CACTIN: variants seen among roughly 807,000 people sequenced by gnomAD.
The protein encoded by CACTIN is cactin, spliceosome C complex subunit, also known as splicing factor Cactin.
Under a neutral mutation model 84.9 loss-of-function variants are expected in CACTIN, and 20 were observed. That is an observed-to-expected ratio of 0.24 (90% confidence interval 0.17 to 0.34). CACTIN has a LOEUF of 0.34. CACTIN is among the 10% of genes least tolerant of loss of function. The probability of loss-of-function intolerance (pLI) is 1.00; values close to 1 mark genes in which losing one functional copy is unlikely to be tolerated. For missense variants in CACTIN, 897 were observed against 1,117.2 expected (o/e 0.80, Z 2.81); for synonymous variants, 549 against 467.9 (o/e 1.17, Z -2.24).
Position 3,613,176 on chromosome 19 carries a change from G to T in CACTIN, c.1668C>A (p.Ala556=). ...LIQQSLDDYD[A]GRYSPRLLTA... ...TGAGCAGCCGCGGGCTGTACCTGCC[G>T]GCGTCGTAGTCGTCCAGGCTCTGCT... is the stretch of plus-strand genomic sequence containing the variant. Residue 556 remains alanine, a synonymous_variant, in exon 9 of 10, where the codon GCC becomes GCA. Transcript: ENST00000429344. The T allele has an allele frequency of 6.2e-7, 1 of 1,611,202 alleles. No homozygotes were observed. Among genetic ancestry groups the T allele is most frequent in the South Asian group, 1.1e-5 (1 of 91,072 alleles).
At chr19:3,617,379 G>T (rs1167362982) in intron 6 of CACTIN, among the ~76,000 whole-genome samples, 1 of 152,260 alleles carries the variant, frequency 6.6e-6, no homozygotes, top group African/African-American at 2.4e-5. Flanking sequence ...AGACCCCTCG[G>T]TTCCCTACTC....
In CACTIN at chr19:3,611,887, C is replaced by T. The variant is rs139837460; in HGVS notation, c.*36G>A. ...GCTTCACCGAAGCCCCTTTACTGTG[C>T]CCCCGAGGACACCTGCCTGCCGTTC... On this transcript the variant is annotated 3_prime_UTR_variant, in exon 10 of 10. Transcript: ENST00000429344. 3.6e-4 allele frequency: 572 copies of T among 1,604,722 alleles called. 4 individuals carry two copies. The African/African-American group carries it at 6.7e-3, about 19-fold the overall frequency.
intron 6 of CACTIN, chr19:3,616,257 T>A (rs1314482693): frequency 1.3e-5 from 2 of 152,224 alleles, no homozygotes; most frequent in Non-Finnish European, 2.9e-5. Context: ...CCTGTAGGGT[T>A]AGAACTTCCT....
chr19:3,616,577 C>T (rs1478007526), intron 6 of CACTIN: 1 of 152,028 alleles, frequency 6.6e-6, no homozygotes, highest in Non-Finnish European at 1.5e-5. Context: ...CCACTGCACT[C>T]CAGCCTGGCA....
intron 3 of CACTIN, 34 bp downstream of exon 3, chr19:3,620,673 A>C: frequency 6.5e-7 from 1 of 1,547,354 alleles, no homozygotes. Flanking sequence ...CTGGAAAGGG[A>C]GGGCCCTGCC....
intron 2 of CACTIN, 34 bp from the exon 3 acceptor site, chr19:3,620,836 G>T (rs757977018): frequency 3.2e-6 from 5 of 1,565,762 alleles, no homozygotes; most frequent in Non-Finnish European, 4.4e-6. Context: ...CCTGAGCACA[G>T]ACCCGCCCCC....
In CACTIN at chr19:3,626,687, G is replaced by C; in HGVS notation, c.76C>G (p.Arg26Gly). 6.6e-7 allele frequency: 1 copy of C among 1,520,866 alleles called. No individual in the cohort carries two copies. Among genetic ancestry groups the C allele is most frequent in the South Asian group, 1.2e-5 (1 of 81,782 alleles). 94.2% of individuals were successfully genotyped at this position (1,520,866 alleles called of 1,614,324 possible). ...GRRRQSQSGS[R>G]SRSRSHGRRN... Reference sequence around the variant, plus strand: ...CGCCCATGGCTCCTGCTCCGACTTCGGCTCCCGCTCTGACTCTGCCGCCTT... The same window carrying C: ...CGCCCATGGCTCCTGCTCCGACTTCCGCTCCCGCTCTGACTCTGCCGCCTT... Residue 26 changes from arginine (R) to glycine (G), a missense_variant, in exon 1 of 10, where the codon CGA (arginine) becomes GGA (glycine). Arg to Gly is a moderately radical substitution (Grantham distance 125, BLOSUM62 -2). Transcript: ENST00000429344.
At chr19:3,616,017 G>C (rs1327913635) in intron 6 of CACTIN, 1 of 152,144 alleles carries the variant, frequency 6.6e-6, no homozygotes, top group African/African-American at 2.4e-5. Flanking sequence ...GCCAGGTGCC[G>C]CCAGGTCAGC....
In CACTIN at chr19:3,611,375, G is replaced by C. The variant is rs975668104; in HGVS notation, c.*548C>G. On this transcript the variant is annotated 3_prime_UTR_variant, in exon 10 of 10. Coordinates refer to ENST00000429344, the MANE Select transcript of CACTIN (RefSeq NM_001080543.2). ...CGGCCTCAGTGCTGCCTGTGCGGGC[G>C]AGGGTGGCCTGTGGGCAGGGCTGGA... The C allele has an allele frequency of 9.0e-6, 4 of 445,440 alleles. No individual in the cohort carries two copies. Among genetic ancestry groups the C allele is most frequent in the Non-Finnish European group, 1.8e-5 (4 of 224,506 alleles). 27.6% of individuals were successfully genotyped at this position (445,440 alleles called of 1,614,324 possible).
chr19:3,620,824 G>A (rs373160165), intron 2 of CACTIN, 22 bp from the exon 3 acceptor site: 292 of 1,597,734 alleles, frequency 1.8e-4, no homozygotes, highest in Non-Finnish European at 2.4e-4. Context: ...AGGCACACCT[G>A]CCCTGAGCAC....
intron 9 of CACTIN, 113 bp from the exon 10 acceptor site, chr19:3,612,526 C>A (rs1478196666): frequency 2.1e-6 from 3 of 1,413,982 alleles, no homozygotes; most frequent in Admixed American, 5.2e-5. Context: ...GGAAAACAGG[C>A]TGGGGCGAGC....
In CACTIN at chr19:3,613,381, G is replaced by T; in HGVS notation, c.1479-16C>A. On this transcript the variant is annotated splice_polypyrimidine_tract_variant and intron_variant, in intron 8 of 9. Transcript: ENST00000429344. ...AGGCTCCAGGCTGGGAGGAGAGAGC[G>T]TTGGAGGCGCGGAGGCTGCCCACGG... 1 of 1,529,324 alleles carries T rather than the reference G, an allele frequency of 6.5e-7. No individual in the cohort carries two copies. The highest frequency in any genetic ancestry group is 8.8e-7 in the Non-Finnish European group (1 of 1,141,874). 94.7% of individuals were successfully genotyped at this position (1,529,324 alleles called of 1,614,324 possible). A position where few individuals can be genotyped will look rare whatever the true frequency, so the allele number is the denominator to read the frequency against.
chr19:3,622,877 T>A (rs2033252906), intron 2 of CACTIN, among the ~76,000 whole-genome samples: 1 of 152,144 alleles, frequency 6.6e-6, no homozygotes, highest in Admixed American at 6.5e-5. Flanking sequence ...GGTTTCAGGT[T>A]GGGCTGGTGT....
chr19:3,622,004 G>C (rs2033234198), intron 2 of CACTIN, among the ~76,000 whole-genome samples: 1 of 152,180 alleles, frequency 6.6e-6, no homozygotes, highest in Admixed American at 6.5e-5. Flanking sequence ...TGCTGCTTCA[G>C]ATGAGCTGTG....
At chr19:3,621,132 T>C in intron 2 of CACTIN, 4 of 440,502 alleles carry the variant, frequency 9.1e-6, no homozygotes, top group Non-Finnish European at 1.7e-5. Context: ...CAGAAGAGCC[T>C]TGCTCGGGGC....
intron 6 of CACTIN, among the ~76,000 whole-genome samples, chr19:3,617,122 A>AAAGT (rs1568293465): frequency 6.6e-6 from 1 of 151,830 alleles, no homozygotes; most frequent in Non-Finnish European, 1.5e-5. Context: ...TCCTTCTCAA[A>AAAGT]AAATAAAATA....
rs576729247 is a variant in CACTIN at position 3,615,943 on chromosome 19, G to C, written c.1163-1354C>G. 6.6e-6 allele frequency: 1 copy of C among 152,128 alleles called. No homozygotes were observed. Among genetic ancestry groups the C allele is most frequent in the Admixed American group, 6.5e-5 (1 of 15,284 alleles). 9.4% of individuals were successfully genotyped at this position (152,128 alleles called of 1,614,324 possible). A position where few individuals can be genotyped will look rare whatever the true frequency, so the allele number is the denominator to read the frequency against. On this transcript the variant is annotated intron_variant, in intron 6 of 9. Transcript: ENST00000429344. The surrounding 1 kb of genome is among the most constrained non-coding windows in gnomAD (Gnocchi z 5.2). ...ACAGCGCGGCCGTGCCCAGACAGGC[G>C]GGGCTACCACGAACACTGAAACCCA...
Position 3,626,615 on chromosome 19 carries a change from G to A in CACTIN, c.148C>T (p.Arg50Trp), listed in dbSNP as rs772584947. ...REDEGRRRRR[R>W]RSRERRSDSE... Reference sequence around the variant, plus strand: ...CCCCACCTGCGCTCCCGGCTCCGCCGCCTCCGTCTGCGCCGTCCCTCGTCC... The same window carrying A: ...CCCCACCTGCGCTCCCGGCTCCGCCACCTCCGTCTGCGCCGTCCCTCGTCC... Residue 50 changes from arginine (R) to tryptophan (W), a missense_variant, in exon 1 of 10, where the codon CGG (arginine) becomes TGG (tryptophan). Physicochemically the swap from Arg to Trp is moderately radical, Grantham distance 101 (BLOSUM62 -3). Coordinates refer to ENST00000429344, the MANE Select transcript of CACTIN (RefSeq NM_001080543.2). The A allele has an allele frequency of 7.9e-5, 119 of 1,510,528 alleles. No homozygotes were observed. Among genetic ancestry groups the A allele is most frequent in the Non-Finnish European group, 1.0e-4 (117 of 1,137,086 alleles). 93.6% of individuals were successfully genotyped at this position (1,510,528 alleles called of 1,614,324 possible). A position where few individuals can be genotyped will look rare whatever the true frequency, so the allele number is the denominator to read the frequency against.
At chr19:3,612,743 C>T in intron 9 of CACTIN, 1 of 697,354 alleles carries the variant, frequency 1.4e-6, no homozygotes, top group South Asian at 1.5e-5. Context: ...GGGGTCCTGG[C>T]CCAGGGGTTT....
Sources: gnomAD v4.1 joint callset for allele counts (sites outside exome capture counted in the v4.1 genomes callset) on GRCh38, gnomAD v4.1.1 for gene constraint, Gnocchi (gnomAD v3.1) non-coding constraint, MANE v1.5 for transcripts, NCBI Gene and HGNC (gene_info 2026-07-23, HGNC 2026-07-21) for gene names.